ARIH1: variants seen among roughly 807,000 people sequenced by gnomAD.
ARIH1 encodes the protein E3 ubiquitin-protein ligase ARIH1.
ARIH1 carries 8 observed loss-of-function variants against 85.0 expected under a neutral mutation model. The ratio of observed to expected loss-of-function variants is 0.09; its 90% CI spans 0.06 to 0.17. ARIH1 has a LOEUF of 0.17. Among genes scored for constraint, ARIH1 ranks in the 10% least tolerant of loss-of-function variants. The pLI, the probability that ARIH1 is intolerant of heterozygous loss-of-function variation, is 1.00. For synonymous variants in ARIH1, 238 were observed against 253.6 expected (o/e 0.94, Z 0.59); for missense variants, 311 against 718.1 (o/e 0.43, Z 6.48).
At chr15:72,545,007 C>T in intron 3 of ARIH1, 43 bp downstream of exon 3, 1 of 1,480,104 alleles carries the variant, frequency 6.8e-7, no homozygotes, top group Non-Finnish European at 9.1e-7. Flanking sequence ...CTTTGTATTT[C>T]AGAGGGTAAA....
chr15:72,483,687 C>T (rs1178950811), intron 1 of ARIH1, among the ~76,000 whole-genome samples: 1 of 152,044 alleles, frequency 6.6e-6, no homozygotes, highest in Non-Finnish European at 1.5e-5. Context: ...TTTGGCTTTG[C>T]AAAACATTAT....
intron 2 of ARIH1, among the ~76,000 whole-genome samples, chr15:72,538,424 T>G (rs1191166840): frequency 2.0e-5 from 3 of 152,334 alleles, no homozygotes; most frequent in African/African-American, 7.2e-5. Context: ...ATCTTTAAAT[T>G]GGTTTTACAT....
rs1017463745 is a variant in ARIH1 at position 72,596,834 on chromosome 15, G to A, written c.*13542G>A. ...TTATTTCTAGCATTTCATTATATTT[G>A]TATAGTTACAATTTTCTGCTGAAAT... On this transcript the variant is annotated 3_prime_UTR_variant, in exon 14 of 14. Transcript: ENST00000379887. The A allele has an allele frequency of 1.3e-5, 2 of 151,868 alleles. No homozygotes were observed. Among genetic ancestry groups the A allele is most frequent in the African/African-American group, 4.8e-5 (2 of 41,342 alleles). 9.4% of individuals were successfully genotyped at this position (151,868 alleles called of 1,614,324 possible). A position where few individuals can be genotyped will look rare whatever the true frequency, so the allele number is the denominator to read the frequency against.
In ARIH1 at chr15:72,584,309, T is replaced by G. The variant is rs1295106480; in HGVS notation, c.*1017T>G. On this transcript the variant is annotated 3_prime_UTR_variant, in exon 14 of 14. Transcript: ENST00000379887. ...CATGAATTAACCTGTCCCAACCTAA[T>G]CCCCCTCCATGGCATCATGCCTCTA... The G allele has an allele frequency of 2.0e-5, 3 of 152,200 alleles. No individual in the cohort carries two copies. The highest frequency in any genetic ancestry group is 2.9e-5 in the Non-Finnish European group (2 of 68,052). 9.4% of individuals were successfully genotyped at this position (152,200 alleles called of 1,614,324 possible).
At chr15:72,502,725 G>C (rs2063908831) in intron 1 of ARIH1, among the ~76,000 whole-genome samples, 1 of 152,176 alleles carries the variant, frequency 6.6e-6, no homozygotes, top group Non-Finnish European at 1.5e-5. Context: ...AGGATTGCCT[G>C]AGCCTGGGAG....
Position 72,512,127 on chromosome 15 carries a change from C to G in ARIH1, c.376-5940C>G, listed in dbSNP as rs185486325. On this transcript the variant is annotated intron_variant, in intron 1 of 13. Coordinates refer to ENST00000379887, the MANE Select transcript of ARIH1 (RefSeq NM_005744.5). ...TCATGTAGTAATTTTCTTGAAATGT[C>G]TTTGTCGGATTTTGATATCAGTGTG... 7.2e-5 allele frequency among the ~76,000 whole-genome samples: 11 copies of G among 151,946 alleles called. No individual in the cohort carries two copies. The East Asian group carries it at 1.9e-3, about 27-fold the overall frequency.
chr15:72,536,254 T>C (rs2064081391), intron 2 of ARIH1, among the ~76,000 whole-genome samples: 1 of 152,196 alleles, frequency 6.6e-6, no homozygotes, highest in South Asian at 2.1e-4. Context: ...TACTTTTATT[T>C]TTATCTTTTA....
In ARIH1 at chr15:72,592,901, G is replaced by T. The variant is rs2064348656; in HGVS notation, c.*9609G>T. 1 of 151,970 alleles carries T rather than the reference G, an allele frequency of 6.6e-6. No individual in the cohort carries two copies. Among genetic ancestry groups the T allele is most frequent in the Non-Finnish European group, 1.5e-5 (1 of 67,962 alleles). 9.4% of individuals were successfully genotyped at this position (151,970 alleles called of 1,614,324 possible). A position where few individuals can be genotyped will look rare whatever the true frequency, so the allele number is the denominator to read the frequency against. On this transcript the variant is annotated 3_prime_UTR_variant, in exon 14 of 14. Coordinates refer to ENST00000379887, the MANE Select transcript of ARIH1 (RefSeq NM_005744.5). ...ACACAGCCTTTTGTTTTTGTTTTTTGTGGATATACATCTTCACTTGTCTTG... is the reference window on the plus strand; with the variant it reads ...ACACAGCCTTTTGTTTTTGTTTTTTTTGGATATACATCTTCACTTGTCTTG...
chr15:72,475,942 T>C (rs2063793320), intron 1 of ARIH1, among the ~76,000 whole-genome samples: 1 of 151,982 alleles, frequency 6.6e-6, no homozygotes, highest in Non-Finnish European at 1.5e-5. Flanking sequence ...AAGTTTTCAT[T>C]TGGGGAAAAA....
Position 72,580,844 on chromosome 15 carries a change from G to A in ARIH1, c.1329G>A (p.Glu443=), listed in dbSNP as rs1418488501. ...ATGCTCAGGTGAAACAGAAAATGGA[G>A]GAGATGCAGCAGCACAACATGTCCT... ...KLYAQVKQKM[E]EMQQHNMSWI... Residue 443 remains glutamate, a synonymous_variant, in exon 12 of 14, where the codon GAG becomes GAA. Transcript: ENST00000379887. 1.2e-6 allele frequency: 2 copies of A among 1,614,166 alleles called. No homozygotes were observed. The highest frequency in any genetic ancestry group is 1.3e-5 in the African/African-American group (1 of 75,064).
chr15:72,541,727 A>G (rs771382499), intron 2 of ARIH1, among the ~76,000 whole-genome samples: 1 of 152,214 alleles, frequency 6.6e-6, no homozygotes, highest in Non-Finnish European at 1.5e-5. Context: ...TAGTGAACAG[A>G]TCAGTGGGGA....
intron 5 of ARIH1, 75 bp downstream of exon 5, chr15:72,555,982 T>G: frequency 7.7e-7 from 1 of 1,292,930 alleles, no homozygotes; most frequent in Non-Finnish European, 1.1e-6. Flanking sequence ...ACTTAGTACC[T>G]CAAAGGAAGT....
chr15:72,567,079 A>T (rs369059648), intron 8 of ARIH1, 27 bp from the exon 9 acceptor site: 1 of 1,568,280 alleles, frequency 6.4e-7, no homozygotes, highest in South Asian at 1.1e-5. Flanking sequence ...CTTTTGTTGT[A>T]TCCTAACCGT....
chr15:72,491,361 C>T (rs2063858739), intron 1 of ARIH1, among the ~76,000 whole-genome samples: 1 of 134,222 alleles, frequency 7.5e-6, no homozygotes, highest in Admixed American at 8.2e-5. Flanking sequence ...ATTGTTTCTT[C>T]CTTGAATCTT....
At position 72,474,743 on chromosome 15, in the gene ARIH1, C is replaced by T; in HGVS notation, c.104C>T (p.Pro35Leu). The change falls in exon 1 of 14, where the codon CCG (proline) becomes CTG (leucine). Residue 35 changes from proline (P) to leucine (L), a missense_variant. This residue lies in a region of ARIH1 where 157 missense variants were observed against 185.1 expected (regional missense o/e 0.85). Transcript: ENST00000379887. ...EEEEDEDDDEPDDDTLDLGEV... is the reference protein window; with the variant it reads ...EEEEDEDDDELDDDTLDLGEV... ...GAGGAGGACGAAGACGACGACGAGCCGGACGATGATACCCTGGATCTGGGC... is the reference window on the plus strand; with the variant it reads ...GAGGAGGACGAAGACGACGACGAGCTGGACGATGATACCCTGGATCTGGGC... 6.4e-7 allele frequency: 1 copy of T among 1,560,206 alleles called. No individual in the cohort carries two copies. Among genetic ancestry groups the T allele is most frequent in the South Asian group, 1.2e-5 (1 of 85,338 alleles).
chr15:72,583,258 A>G lies in ARIH1; in HGVS notation c.1640A>G (p.Tyr547Cys), dbSNP rs1348294540. Residue 547 changes from tyrosine (Y) to cysteine (C), a missense_variant, in exon 14 of 14, where the codon TAT becomes TGT. Tyr to Cys is a radical substitution (Grantham distance 194). Transcript: ENST00000379887. ...TTGTTACAGCATGTGCATGAAGGCT[A>G]TGAAAAAGATCTGTGGGAGTACATT... ...RVLLQHVHEG[Y>C]EKDLWEYIED 3 of 1,613,238 alleles carry G rather than the reference A, an allele frequency of 1.9e-6. No homozygotes were observed. Among genetic ancestry groups the G allele is most frequent in the Non-Finnish European group, 2.5e-6 (3 of 1,179,638 alleles).
intron 1 of ARIH1, among the ~76,000 whole-genome samples, chr15:72,479,004 A>AT (rs912913780): frequency 2.0e-5 from 3 of 151,654 alleles, no homozygotes; most frequent in Admixed American, 6.6e-5. Flanking sequence ...CTCCTAGCTA[A>AT]TTTTTTTTCT....
chr15:72,532,165 AT>A (rs34515098), intron 2 of ARIH1, among the ~76,000 whole-genome samples: 13,531 of 144,458 alleles, frequency 0.094, 738 homozygotes, highest in East Asian at 0.3. Context: ...AAGCCGTAAG[AT>A]TTTTTTTTTT....
At chr15:72,547,523 G>A (rs532645780) in intron 3 of ARIH1, among the ~76,000 whole-genome samples, 11 of 152,212 alleles carry the variant, frequency 7.2e-5, no homozygotes, top group South Asian at 2.1e-4. Context: ...GTGCACCACC[G>A]CACCCAACAG....
Sources: allele counts gnomAD v4.1 joint callset (sites outside exome capture counted in the v4.1 genomes callset), GRCh38; gene constraint gnomAD v4.1.1; regional missense constraint gnomAD v4.1.1; transcripts MANE v1.5; gene names NCBI Gene and HGNC (gene_info 2026-07-23, HGNC 2026-07-21).